The following SLC26A5 variants were observed in gnomAD, a reference collection of about 807,000 sequenced individuals.
SLC26A5 encodes the protein solute carrier family 26 member 5.
A neutral mutation model predicts 81.0 loss-of-function variants in SLC26A5; 51 were observed. The ratio of observed to expected loss-of-function variants is 0.63; its 90% CI spans 0.50 to 0.80. The LOEUF is 0.80. SLC26A5 is among the 30% of genes least tolerant of loss of function. The probability of loss-of-function intolerance (pLI) is 0.00; values close to 1 mark genes in which losing one functional copy is unlikely to be tolerated. For missense variants in SLC26A5, 771 were observed against 905.8 expected (o/e 0.85, Z 1.91); for synonymous variants, 325 against 332.8 (o/e 0.98, Z 0.25).
chr7:103,364,156 T>C, intron 19 of SLC26A5: 2 of 1,613,940 alleles, frequency 1.2e-6, no homozygotes, highest in Non-Finnish European at 1.7e-6. Flanking sequence ...GAGAGGTTTG[T>C]GAACCTTGGC....
chr7:103,367,887 TG>T lies in SLC26A5; in HGVS notation c.2041+8920del. The T allele has an allele frequency of 6.2e-7, 1 of 1,611,682 alleles. No individual in the cohort carries two copies. Among genetic ancestry groups the T allele is most frequent in the Non-Finnish European group, 8.5e-7 (1 of 1,179,082 alleles). ...TAATTAAGCCCGTTTATTTTCTTTT[TG>T]TTTGAAAGGTGCTGAGATTAGAAGC... is the stretch of plus-strand genomic sequence containing the variant. On this transcript the variant is annotated intron_variant, in intron 19 of 19. Transcript: ENST00000339444. The surrounding 1 kb of genome is among the most constrained non-coding windows in gnomAD (Gnocchi z 6.1).
At chr7:103,395,815 G>A (rs529472531) in intron 9 of SLC26A5, among the ~76,000 whole-genome samples, 4 of 151,986 alleles carry the variant, frequency 2.6e-5, no homozygotes, top group Non-Finnish European at 5.9e-5. Flanking sequence ...CACCGTGCCC[G>A]GCCAATAATA....
At chr7:103,399,657 TG>T (rs1823420224) in intron 8 of SLC26A5, among the ~76,000 whole-genome samples, 1 of 152,154 alleles carries the variant, frequency 6.6e-6, no homozygotes, top group African/African-American at 2.4e-5. Context: ...AGTGCCATGG[TG>T]GTTTGCTGCA....
Position 103,411,414 on chromosome 7 carries a change from C to G in SLC26A5, c.570+6G>C. 1 of 1,614,012 alleles carries G rather than the reference C, an allele frequency of 6.2e-7. No homozygotes were observed. Among genetic ancestry groups the G allele is most frequent in the East Asian group, 2.2e-5 (1 of 44,876 alleles). The stretch of plus-strand genomic sequence containing the variant: ...GACAGTCCATTTCCCCATCTTTGAG[C>G]CTTACCTGAATGATTCCTGAAAGTA... On this transcript the variant is annotated splice_donor_region_variant and intron_variant, in intron 6 of 19. Coordinates refer to ENST00000306312, the MANE Select transcript of SLC26A5 (RefSeq NM_198999.3).
At chr7:103,376,047 A>G (rs536055432) in intron 19 of SLC26A5, among the ~76,000 whole-genome samples, 1 of 152,038 alleles carries the variant, frequency 6.6e-6, no homozygotes, top group Admixed American at 6.6e-5. Context: ...GTGAGCCACC[A>G]CGCCGGGCTC....
chr7:103,369,711 ATG>A (rs1355343753), downstream of SLC26A5, among the ~76,000 whole-genome samples: 1 of 152,204 alleles, frequency 6.6e-6, no homozygotes, highest in African/African-American at 2.4e-5. Flanking sequence ...GTCTATATAC[ATG>A]TGTGTAGATG....
Position 103,421,509 on chromosome 7 carries a change from A to T in SLC26A5, c.6T>A (p.Asp2Glu), listed in dbSNP as rs1317991587. 2 of 1,613,846 alleles carry T rather than the reference A, an allele frequency of 1.2e-6. No homozygotes were observed. The highest frequency in any genetic ancestry group is 1.7e-6 in the Non-Finnish European group (2 of 1,179,918). Reference sequence around the variant, plus strand: ...CAAGGATTTCATTTTCTTCAGCATGATCCATAGTACTCTGAAATTATTCCT... The same window carrying T: ...CAAGGATTTCATTTTCTTCAGCATGTTCCATAGTACTCTGAAATTATTCCT... M[D>E]HAEENEILAA... is the part of the protein sequence containing the mutation. The change falls in exon 3 of 20, where the codon GAT (aspartate) becomes GAA (glutamate). Residue 2 changes from aspartate (D) to glutamate (E), a missense_variant. Physicochemically the swap from Asp to Glu is conservative, Grantham distance 45 (BLOSUM62 2). Transcript: ENST00000306312.
intron 19 of SLC26A5, chr7:103,354,964 A>G (rs750503523): frequency 6.5e-7 from 1 of 1,533,994 alleles, no homozygotes; most frequent in Non-Finnish European, 9.0e-7. Context: ...GTATTTTTAA[A>G]TTCCCATTTC....
At chr7:103,441,672 A>C (rs780693106) in intron 2 of SLC26A5, among the ~76,000 whole-genome samples, 1 of 152,300 alleles carries the variant, frequency 6.6e-6, no homozygotes, top group African/African-American at 2.4e-5. Flanking sequence ...AGAGGCTATT[A>C]AACACTGGCA....
intron 2 of SLC26A5, among the ~76,000 whole-genome samples, chr7:103,427,030 G>A (rs1825750828): frequency 6.6e-6 from 1 of 151,988 alleles, no homozygotes; most frequent in Non-Finnish European, 1.5e-5. Context: ...GCCACAGGCA[G>A]GAAGGGAGGA....
intron 8 of SLC26A5, among the ~76,000 whole-genome samples, chr7:103,402,393 CTTTT>C (rs541398228): frequency 8.0e-6 from 1 of 124,510 alleles, no homozygotes; most frequent in Non-Finnish European, 1.7e-5. Flanking sequence ...ACGTATTGCT[CTTTT>C]TTTTTTTTTT....
intron 5 of SLC26A5, 120 bp from the exon 6 acceptor site, chr7:103,411,706 C>T: frequency 8.9e-7 from 1 of 1,120,186 alleles, no homozygotes; most frequent in Non-Finnish European, 1.3e-6. Flanking sequence ...AGGCTACGCT[C>T]CCTTCTTTAG....
intron 1 of SLC26A5, chr7:103,445,882 G>A (rs1827271009): frequency 6.6e-6 from 1 of 152,626 alleles, no homozygotes; most frequent in South Asian, 2.1e-4. Context: ...AGAGCTTCGT[G>A]AGACTTTCTC....
intron 2 of SLC26A5, among the ~76,000 whole-genome samples, chr7:103,436,063 A>C (rs1340210688): frequency 6.6e-6 from 1 of 152,070 alleles, no homozygotes. Flanking sequence ...TGGTAAACAG[A>C]GGTTATGTTT....
chr7:103,430,110 C>T (rs937074506), intron 2 of SLC26A5, among the ~76,000 whole-genome samples: 2 of 147,090 alleles, frequency 1.4e-5, no homozygotes, highest in Non-Finnish European at 3.0e-5. Flanking sequence ...TAGAGTTTCA[C>T]TCTTGTAACC....
chr7:103,397,702 G>T (rs1280144242), intron 9 of SLC26A5, among the ~76,000 whole-genome samples: 1 of 139,602 alleles, frequency 7.2e-6, no homozygotes, highest in African/African-American at 2.7e-5. Flanking sequence ...AGGCGACAGA[G>T]TGAGACTTCG....
intron 2 of SLC26A5, among the ~76,000 whole-genome samples, chr7:103,428,654 C>A (rs1825864677): frequency 6.6e-6 from 1 of 151,494 alleles, no homozygotes; most frequent in Admixed American, 6.6e-5. Flanking sequence ...CCTCCACCTC[C>A]CAGGTTCAAG....
At position 103,378,525 on chromosome 7, in the gene SLC26A5, C is replaced by T. The variant is rs754830295; in HGVS notation, c.1706G>A (p.Gly569Glu). The T allele has an allele frequency of 5.6e-6, 9 of 1,613,976 alleles. No individual in the cohort carries two copies. The African/African-American group carries it at 9.3e-5, about 17-fold the overall frequency. The change falls in exon 17 of 20, where the codon GGA (glycine) becomes GAA (glutamate). Residue 569 changes from glycine to glutamate, a missense_variant. Coordinates refer to ENST00000306312, the MANE Select transcript of SLC26A5 (RefSeq NM_198999.3). ...CTTCCGCATGGCCTTTCTCCTTGCTCCCATGATGACTGCTGGGTTCACTCC... is the reference window on the plus strand; with the variant it reads ...CTTCCGCATGGCCTTTCTCCTTGCTTCCATGATGACTGCTGGGTTCACTCC... ...KTGVNPAVIM[G>E]ARRKAMRKYA...
chr7:103,382,685 GGC>G (rs1462594632), intron 14 of SLC26A5, among the ~76,000 whole-genome samples: 5 of 151,952 alleles, frequency 3.3e-5, no homozygotes, highest in African/African-American at 1.2e-4. Flanking sequence ...AGGACCATCT[GGC>G]TCAAATTAGA....
Sources: allele counts gnomAD v4.1 joint callset (sites outside exome capture counted in the v4.1 genomes callset), GRCh38; gene constraint gnomAD v4.1.1; non-coding constraint Gnocchi (gnomAD v3.1); transcripts MANE v1.5; gene names NCBI Gene and HGNC (gene_info 2026-07-23, HGNC 2026-07-21).